EPHB1: variants seen among roughly 807,000 people sequenced by gnomAD.
EPHB1 encodes ephrin type-B receptor 1.
EPHB1 carries 30 observed loss-of-function variants against 94.4 expected under a neutral mutation model. The ratio of observed to expected loss-of-function variants is 0.32; its 90% CI spans 0.24 to 0.43. The LOEUF is 0.43. Among genes scored for constraint, EPHB1 ranks in the 20% least tolerant of loss-of-function variants. The pLI, the probability that EPHB1 is intolerant of heterozygous loss-of-function variation, is 1.00. For synonymous variants in EPHB1, 522 were observed against 489.1 expected, an observed-to-expected ratio of 1.07 and a Z score of -0.89; for missense variants, 1,055 against 1,308.3, an observed-to-expected ratio of 0.81 and a Z score of 2.99.
At chr3:135,086,162 G>C (rs890041503) in intron 3 of EPHB1, among the ~76,000 whole-genome samples, 2 of 152,112 alleles carry the variant, frequency 1.3e-5, no homozygotes, top group African/African-American at 2.4e-5. Flanking sequence ...TGGTAGGAGG[G>C]CATCCATGTT....
intron 3 of EPHB1, among the ~76,000 whole-genome samples, chr3:135,076,039 C>T (rs79888813): frequency 1.3e-5 from 2 of 152,014 alleles, no homozygotes; most frequent in East Asian, 3.9e-4. Flanking sequence ...AAGATTACCT[C>T]ACACCATATA....
At chr3:135,135,642 C>G (rs2107688480) in intron 5 of EPHB1, among the ~76,000 whole-genome samples, 1 of 152,334 alleles carries the variant, frequency 6.6e-6, no homozygotes, top group African/African-American at 2.4e-5. Context: ...TGGGTCAGAT[C>G]TAGCTCAGTC....
At chr3:134,944,932 C>T (rs2039187318) in intron 2 of EPHB1, among the ~76,000 whole-genome samples, 1 of 152,212 alleles carries the variant, frequency 6.6e-6, no homozygotes, top group African/African-American at 2.4e-5. Flanking sequence ...ACACAGTGTG[C>T]TATCACACTT....
chr3:135,106,672 G>A lies in EPHB1; in HGVS notation c.961+69G>A, dbSNP rs1939232357. On this transcript the variant is annotated intron_variant, in intron 4 of 15. Transcript: ENST00000398015. ...TGATGGTGCAAGTGGTGGGTCTGGGGCAAGGAAGAGAAGACATCATCCTTT... is the reference window on the plus strand; with the variant it reads ...TGATGGTGCAAGTGGTGGGTCTGGGACAAGGAAGAGAAGACATCATCCTTT... 1.2e-5 allele frequency: 19 copies of A among 1,580,878 alleles called. No homozygotes were observed. In the South Asian group the frequency reaches 2.0e-4, roughly 17 times the overall value.
intron 3 of EPHB1, among the ~76,000 whole-genome samples, chr3:134,974,917 C>CCTT (rs1259470054): frequency 2.0e-5 from 3 of 152,148 alleles, no homozygotes; most frequent in South Asian, 2.1e-4. Context: ...ACCTCCCTGC[C>CCTT]CTTCTTCCTT....
At chr3:135,221,950 A>AAAT (rs199874609) in intron 12 of EPHB1, among the ~76,000 whole-genome samples, 1,969 of 152,344 alleles carry the variant, frequency 0.013, 28 homozygotes, top group Non-Finnish European at 0.019. Flanking sequence ...ATGACATTCT[A>AAAT]AATATAATTA....
chr3:134,849,336 T>G (rs773409678), intron 1 of EPHB1, among the ~76,000 whole-genome samples: 4 of 152,182 alleles, frequency 2.6e-5, no homozygotes, highest in Non-Finnish European at 4.4e-5. Context: ...TGAGAACTAC[T>G]AATTTAGAGT....
At chr3:135,139,568 A>T (rs892168224) in intron 5 of EPHB1, among the ~76,000 whole-genome samples, 1 of 152,106 alleles carries the variant, frequency 6.6e-6, no homozygotes, top group African/African-American at 2.4e-5. Context: ...AACAGACAAA[A>T]ATCTGTGCCT....
chr3:135,041,452 A>G (rs1936840029), intron 3 of EPHB1, among the ~76,000 whole-genome samples: 1 of 152,122 alleles, frequency 6.6e-6, no homozygotes, highest in Non-Finnish European at 1.5e-5. Context: ...AGGTATTCCA[A>G]CTACACTTGT....
intron 1 of EPHB1, among the ~76,000 whole-genome samples, chr3:134,908,880 G>A: frequency 6.6e-6 from 1 of 152,110 alleles, no homozygotes; most frequent in African/African-American, 2.4e-5. Flanking sequence ...TGGAGAGACT[G>A]TAGGATGCTC....
At chr3:135,183,026 T>TTTTCTTTCTTTCTTTC (rs373601553) in intron 10 of EPHB1, among the ~76,000 whole-genome samples, 8 of 94,682 alleles carry the variant, frequency 8.4e-5, no homozygotes, top group African/African-American at 3.7e-4. Context: ...TTTTCTTTTC[T>TTTTCTTTCTTTCTTTC]TTTCTTTCTT....
intron 4 of EPHB1, among the ~76,000 whole-genome samples, chr3:135,125,879 G>A (rs1249588451): frequency 2.0e-5 from 3 of 152,054 alleles, no homozygotes; most frequent in African/African-American, 7.2e-5. Context: ...CCATTTCCCT[G>A]TCTGCTTCTG....
chr3:135,251,397 G>A (rs13095925), intron 15 of EPHB1, among the ~76,000 whole-genome samples: 7 of 152,178 alleles, frequency 4.6e-5, no homozygotes, highest in African/African-American at 4.8e-5. Context: ...ATTTGACTGC[G>A]TATGGGGGCC....
chr3:135,017,089 A>T (rs79994878), intron 3 of EPHB1, among the ~76,000 whole-genome samples: 1,874 of 152,324 alleles, frequency 0.012, 23 homozygotes, highest in Non-Finnish European at 0.018. Context: ...CGTGATGCTT[A>T]TGTGAATAAG....
chr3:135,143,650 C>G (rs1337182130), intron 5 of EPHB1, among the ~76,000 whole-genome samples: 1 of 152,144 alleles, frequency 6.6e-6, no homozygotes, highest in African/African-American at 2.4e-5. Flanking sequence ...GAAAGGCTGG[C>G]AGGCCTGAGG....
chr3:134,969,417 A>C (rs570402266), intron 3 of EPHB1, among the ~76,000 whole-genome samples: 1 of 152,320 alleles, frequency 6.6e-6, no homozygotes, highest in South Asian at 2.1e-4. Context: ...GGAAAAGGAC[A>C]GGTGAGGAGA....
At chr3:134,911,906 G>A (rs574588574) in intron 1 of EPHB1, among the ~76,000 whole-genome samples, 7 of 152,278 alleles carry the variant, frequency 4.6e-5, no homozygotes, top group East Asian at 3.9e-4. Flanking sequence ...CTGGCTCTCC[G>A]GAGCTGCTGC....
chr3:135,244,244 A>T (rs141504853), intron 13 of EPHB1, among the ~76,000 whole-genome samples: 1 of 152,176 alleles, frequency 6.6e-6, no homozygotes, highest in Admixed American at 6.5e-5. Flanking sequence ...CTGCCTCTTT[A>T]ATTAGATCCC....
In EPHB1 at chr3:135,259,858, TG is replaced by T. The variant is rs201585777; in HGVS notation, c.*739del. On this transcript the variant is annotated 3_prime_UTR_variant, in exon 16 of 16. Transcript: ENST00000398015. ...GTTTCCGTGTGCAAAAGCACACATA[TG>T]TATGTCTGTGTTATAAAATGACTGT... The T allele has an allele frequency of 1.1e-3, 256 of 225,116 alleles. 2 individuals are homozygous for T. The highest frequency in any genetic ancestry group is 0.011 in the Admixed American group (191 of 17,496). 13.9% of individuals were successfully genotyped at this position (225,116 alleles called of 1,614,324 possible). A position where few individuals can be genotyped will look rare whatever the true frequency, so the allele number is the denominator to read the frequency against.
Sources: allele counts gnomAD v4.1 joint callset (sites outside exome capture counted in the v4.1 genomes callset), GRCh38; gene constraint gnomAD v4.1.1; transcripts MANE v1.5; gene names NCBI Gene and HGNC (gene_info 2026-07-23, HGNC 2026-07-21).